The following TDRD5 variants were observed in gnomAD, a reference collection of about 807,000 sequenced individuals.
TDRD5 encodes tudor domain-containing protein 5.
In TDRD5, 41 loss-of-function variants were observed where a neutral mutation model predicts 120.6. The ratio of observed to expected loss-of-function variants is 0.34; its 90% CI spans 0.26 to 0.44. The LOEUF (loss-of-function observed/expected upper bound fraction) is 0.44, where lower values mean the gene tolerates loss of function less well. Ranked by LOEUF, TDRD5 falls within the 20% of genes least tolerant of loss-of-function variation. TDRD5 has a pLI of 1.00. For synonymous variants in TDRD5, 430 were observed against 433.7 expected, an observed-to-expected ratio of 0.99 and a Z score of 0.11; for missense variants, 1,006 against 1,221.2, an observed-to-expected ratio of 0.82 and a Z score of 2.63.
chr1:179,658,309 T>C (rs1477402641), intron 14 of TDRD5, among the ~76,000 whole-genome samples: 1 of 152,186 alleles, frequency 6.6e-6, no homozygotes, highest in Non-Finnish European at 1.5e-5. Flanking sequence ...CTGGAAAAGG[T>C]TACATAAAAT....
rs1330392185 is a variant in TDRD5 at position 179,634,516 on chromosome 1, T to C, written c.1186T>C (p.Leu396=). The C allele has an allele frequency of 3.7e-6, 6 of 1,612,758 alleles. No individual in the cohort carries two copies. Among genetic ancestry groups the C allele is most frequent in the Non-Finnish European group, 8.5e-7 (1 of 1,179,804 alleles). Residue 396 remains leucine, a synonymous_variant, in exon 8 of 18, where the codon TTG becomes CTG. Transcript: ENST00000444136. The part of the protein sequence containing the change: ...ACVSSPPRNS[L]STAAVKETVW... ...TGTCTCCAGTCCACCTAGAAATTCATTGTCTACTGCTGCTGTCAAAGAGAC... is the reference window on the plus strand; with the variant it reads ...TGTCTCCAGTCCACCTAGAAATTCACTGTCTACTGCTGCTGTCAAAGAGAC...
chr1:179,651,696 G>C (rs1334268188), intron 12 of TDRD5, among the ~76,000 whole-genome samples: 1 of 152,162 alleles, frequency 6.6e-6, no homozygotes, highest in Non-Finnish European at 1.5e-5. Flanking sequence ...GGTGGATCAC[G>C]AGGTCAGGAG....
At chr1:179,609,570 T>C (rs1278345585) in intron 4 of TDRD5, among the ~76,000 whole-genome samples, 1 of 152,192 alleles carries the variant, frequency 6.6e-6, no homozygotes. Flanking sequence ...AGAAAAATTC[T>C]GTCATTTAAG....
chr1:179,594,410 A>T (rs1225706966), intron 3 of TDRD5, among the ~76,000 whole-genome samples: 2 of 152,194 alleles, frequency 1.3e-5, no homozygotes, highest in African/African-American at 4.8e-5. Context: ...ACTGTGTCTT[A>T]TAGATAGGGA....
intron 4 of TDRD5, among the ~76,000 whole-genome samples, chr1:179,599,331 A>G (rs750007467): frequency 6.6e-6 from 1 of 152,038 alleles, no homozygotes; most frequent in Non-Finnish European, 1.5e-5. Context: ...AATCATTTTA[A>G]TACAGGCCTC....
chr1:179,664,838 G>A (rs1323533188), intron 16 of TDRD5, among the ~76,000 whole-genome samples: 2 of 152,056 alleles, frequency 1.3e-5, no homozygotes, highest in Non-Finnish European at 2.9e-5. Context: ...TGGATCGTAT[G>A]GTAATTCTGC....
chr1:179,591,783 G>A (rs1032342559), upstream of TDRD5: 5 of 152,422 alleles, frequency 3.3e-5, no homozygotes, highest in African/African-American at 1.2e-4. Flanking sequence ...CTCGGGGCTG[G>A]AACGCGGCGC....
intron 3 of TDRD5, among the ~76,000 whole-genome samples, chr1:179,594,201 A>G (rs558702818): frequency 6.6e-6 from 1 of 152,218 alleles, no homozygotes; most frequent in Non-Finnish European, 1.5e-5. Flanking sequence ...ACTTTACATG[A>G]ATGTGTTCAT....
intron 11 of TDRD5, among the ~76,000 whole-genome samples, chr1:179,650,086 C>T (rs1164925170): frequency 1.3e-5 from 2 of 152,098 alleles, no homozygotes; most frequent in East Asian, 1.9e-4. Context: ...CATGGGTGCA[C>T]CCTGGCTTTG....
At chr1:179,592,521 T>C (rs1675165712) in intron 1 of TDRD5, 81 bp from the exon 2 acceptor site, 6 of 1,122,986 alleles carry the variant, frequency 5.3e-6, no homozygotes, top group African/African-American at 1.6e-5. Flanking sequence ...GTCTCAGTTA[T>C]TTGTATCCCA....
intron 4 of TDRD5, 125 bp downstream of exon 4, chr1:179,595,943 CT>C: frequency 4.2e-6 from 4 of 957,136 alleles, no homozygotes; most frequent in Non-Finnish European, 5.9e-6. Context: ...TCAAATTTGA[CT>C]AAGCATTTCC....
chr1:179,622,846 G>A (rs1381227752), intron 6 of TDRD5, among the ~76,000 whole-genome samples: 8 of 152,046 alleles, frequency 5.3e-5, no homozygotes, highest in Admixed American at 5.2e-4. Flanking sequence ...AAAAAATAAT[G>A]GCCCAAATTT....
At position 179,690,004 on chromosome 1, in the gene TDRD5, G is replaced by A. The variant is rs182159295; in HGVS notation, c.2861-692G>A. ...ATTCCCCGACCCCTTGCGCTTCCCCGGTGAGGCGATGCCTCACCCTGCTTC... is the reference window on the plus strand; with the variant it reads ...ATTCCCCGACCCCTTGCGCTTCCCCAGTGAGGCGATGCCTCACCCTGCTTC... On this transcript the variant is annotated intron_variant, in intron 17 of 17. Coordinates refer to ENST00000444136, the MANE Select transcript of TDRD5 (RefSeq NM_001199085.3). Among the ~76,000 whole-genome samples, 174 of 152,194 alleles carry A rather than the reference G, an allele frequency of 1.1e-3. 1 individual carries two copies. Among genetic ancestry groups the A allele is most frequent in the South Asian group, 2.1e-3 (10 of 4,822 alleles).
intron 7 of TDRD5, among the ~76,000 whole-genome samples, chr1:179,632,186 G>A (rs1218547609): frequency 6.6e-6 from 1 of 151,944 alleles, no homozygotes; most frequent in Non-Finnish European, 1.5e-5. Context: ...GATTACAGGC[G>A]TGAGACACCA....
chr1:179,628,721 C>CT (rs1558389963), intron 6 of TDRD5, among the ~76,000 whole-genome samples: 1 of 152,088 alleles, frequency 6.6e-6, no homozygotes, highest in African/African-American at 2.4e-5. Context: ...TTAAAAGAAA[C>CT]TGAGTCTCAG....
intron 4 of TDRD5, among the ~76,000 whole-genome samples, chr1:179,597,425 G>C (rs993275826): frequency 6.9e-6 from 1 of 145,582 alleles, no homozygotes; most frequent in East Asian, 2.1e-4. Flanking sequence ...TCCGTCTCCC[G>C]GGCTCAAGTG....
intron 17 of TDRD5, among the ~76,000 whole-genome samples, chr1:179,670,100 A>AT (rs1679777733): frequency 6.6e-6 from 1 of 152,236 alleles, no homozygotes; most frequent in African/African-American, 2.4e-5. Flanking sequence ...TATTAAAGAT[A>AT]TACATAAGAG....
intron 11 of TDRD5, 23 bp downstream of exon 11, chr1:179,640,468 T>C (rs945900834): frequency 6.2e-7 from 1 of 1,611,160 alleles, no homozygotes; most frequent in African/African-American, 1.3e-5. Context: ...GTCTCCCATT[T>C]AATCAGCAAA....
chr1:179,680,236 A>C lies in TDRD5; in HGVS notation c.2861-10460A>C, dbSNP rs116568022. Among the ~76,000 whole-genome samples the C allele has an allele frequency of 2.6e-3, 399 of 152,206 alleles. 2 individuals carry two copies. The highest frequency in any genetic ancestry group is 9.3e-3 in the African/African-American group (387 of 41,542). ...GCCTACAGTATGCTCTATTTTTGTA[A>C]ATGCTTTACCTGTACTTTAGAACGA... is the stretch of plus-strand genomic sequence containing the variant. On this transcript the variant is annotated intron_variant, in intron 17 of 17. Coordinates refer to ENST00000444136, the MANE Select transcript of TDRD5 (RefSeq NM_001199085.3).
Sources: gnomAD v4.1 joint callset for allele counts (sites outside exome capture counted in the v4.1 genomes callset) on GRCh38, gnomAD v4.1.1 for gene constraint, MANE v1.5 for transcripts, NCBI Gene and HGNC (gene_info 2026-07-23, HGNC 2026-07-21) for gene names.